The following SYNPR variants were observed in gnomAD, a reference collection of about 807,000 sequenced individuals.
SYNPR encodes synaptoporin.
SYNPR carries 23 observed loss-of-function variants against 32.9 expected under a neutral mutation model. The ratio of observed to expected loss-of-function variants is 0.70; its 90% CI spans 0.50 to 0.99. SYNPR has a LOEUF of 0.99. SYNPR is among the 50% of genes least tolerant of loss of function. SYNPR has a pLI of 0.00. For synonymous variants in SYNPR, 146 were observed against 135.9 expected (o/e 1.07, Z -0.52); for missense variants, 318 against 349.3 (o/e 0.91, Z 0.71).
At chr3:63,372,112 C>T (rs1226010752) in intron 2 of SYNPR, among the ~76,000 whole-genome samples, 1 of 152,078 alleles carries the variant, frequency 6.6e-6, no homozygotes, top group Non-Finnish European at 1.5e-5. Context: ...CTTAGAGTGA[C>T]CAACAGCCCC....
At chr3:63,400,489 T>A (rs1160263852) in intron 2 of SYNPR, among the ~76,000 whole-genome samples, 1 of 152,242 alleles carries the variant, frequency 6.6e-6, no homozygotes, top group Non-Finnish European at 1.5e-5. Flanking sequence ...TATTTCACTG[T>A]CTATTGGCTT....
intron 2 of SYNPR, among the ~76,000 whole-genome samples, chr3:63,446,696 C>T (rs750899496): frequency 1.4e-4 from 21 of 152,082 alleles, no homozygotes; most frequent in Non-Finnish European, 3.1e-4. Flanking sequence ...GAACCTAGCT[C>T]ACAACACCTT....
At chr3:63,290,455 G>A (rs2086727749) in intron 2 of SYNPR, among the ~76,000 whole-genome samples, 2 of 152,206 alleles carry the variant, frequency 1.3e-5, no homozygotes, top group African/African-American at 4.8e-5. Flanking sequence ...AATAGACAAA[G>A]CAAAGCTTAA....
chr3:63,513,951 C>T (rs1701744471), intron 3 of SYNPR, among the ~76,000 whole-genome samples: 1 of 152,156 alleles, frequency 6.6e-6, no homozygotes, highest in East Asian at 1.9e-4. Context: ...TGGAAGTGCC[C>T]ATAATTTGCC....
chr3:63,402,522 G>A (rs867043817), intron 2 of SYNPR, among the ~76,000 whole-genome samples: 4 of 152,156 alleles, frequency 2.6e-5, no homozygotes, highest in Admixed American at 6.6e-5. Flanking sequence ...CTATTTCATC[G>A]GGATTGACCC....
At chr3:63,595,843 AGTTT>A (rs1298075322) in intron 4 of SYNPR, among the ~76,000 whole-genome samples, 1 of 74,838 alleles carries the variant, frequency 1.3e-5, no homozygotes, top group African/African-American at 5.4e-5. Flanking sequence ...TTATATATAT[AGTTT>A]TATATATATA....
chr3:63,317,430 A>G (rs1349708873), intron 2 of SYNPR, among the ~76,000 whole-genome samples: 1 of 151,822 alleles, frequency 6.6e-6, no homozygotes, highest in African/African-American at 2.4e-5. Flanking sequence ...TTAGGTGCAT[A>G]TATGTTTAAG....
intron 2 of SYNPR, among the ~76,000 whole-genome samples, chr3:63,345,634 C>A (rs1411745897): frequency 6.6e-6 from 1 of 152,142 alleles, no homozygotes; most frequent in Non-Finnish European, 1.5e-5. Context: ...GCTGGTCTCG[C>A]ATTGGCTGAC....
At chr3:63,562,555 G>T (rs6445359) in intron 4 of SYNPR, among the ~76,000 whole-genome samples, 303 of 152,260 alleles carry the variant, frequency 2.0e-3, no homozygotes, top group African/African-American at 6.7e-3. Flanking sequence ...GGCAAACAGT[G>T]GTATCACGGC....
intron 3 of SYNPR, among the ~76,000 whole-genome samples, chr3:63,504,236 C>T (rs780041861): frequency 6.6e-6 from 1 of 151,998 alleles, no homozygotes; most frequent in Non-Finnish European, 1.5e-5. Flanking sequence ...AAATTAGGAG[C>T]CCTGGTAAGC....
intron 2 of SYNPR, among the ~76,000 whole-genome samples, chr3:63,258,163 A>G (rs552415718): frequency 8.7e-4 from 132 of 152,160 alleles, no homozygotes; most frequent in African/African-American, 3.0e-3. Flanking sequence ...ACAGATCAAC[A>G]AGACAGAAAG....
intron 2 of SYNPR, among the ~76,000 whole-genome samples, chr3:63,374,110 G>A (rs2087853340): frequency 6.6e-6 from 1 of 152,152 alleles, no homozygotes; most frequent in South Asian, 2.1e-4. Flanking sequence ...GCCAATACCA[G>A]CCACTACAAT....
chr3:63,551,788 T>C (rs1702505055), intron 3 of SYNPR, among the ~76,000 whole-genome samples: 1 of 152,154 alleles, frequency 6.6e-6, no homozygotes, highest in Admixed American at 6.5e-5. Flanking sequence ...AAACCCATCC[T>C]TTCTCTCTAA....
intron 2 of SYNPR, among the ~76,000 whole-genome samples, chr3:63,371,179 C>A (rs1411247262): frequency 6.6e-6 from 1 of 152,046 alleles, no homozygotes; most frequent in African/African-American, 2.4e-5. Context: ...CCCAGGAACC[C>A]ACACTTCTAC....
intron 2 of SYNPR, among the ~76,000 whole-genome samples, chr3:63,334,594 A>G (rs950880412): frequency 6.6e-6 from 1 of 151,584 alleles, no homozygotes; most frequent in Non-Finnish European, 1.5e-5. Context: ...GTGATTAGAG[A>G]CCACTTCACT....
At chr3:63,270,896 CT>C (rs1560174525) in intron 3 of SYNPR, among the ~76,000 whole-genome samples, 1 of 52,494 alleles carries the variant, frequency 1.9e-5, no homozygotes, top group African/African-American at 6.7e-5. Flanking sequence ...TCCTTCCTTC[CT>C]TTTCTTTCCT....
intron 3 of SYNPR, among the ~76,000 whole-genome samples, chr3:63,514,862 A>G (rs577288524): frequency 6.6e-6 from 1 of 152,158 alleles, no homozygotes; most frequent in South Asian, 2.1e-4. Context: ...ACTTTGGATC[A>G]TGGGGCAGGA....
intron 2 of SYNPR, among the ~76,000 whole-genome samples, chr3:63,367,082 G>C (rs1192836934): frequency 6.6e-6 from 1 of 152,136 alleles, no homozygotes; most frequent in Non-Finnish European, 1.5e-5. Flanking sequence ...GGAAATTCTA[G>C]GCCAGATGTG....
At chr3:63,292,428 T>C (rs1022061415) in intron 2 of SYNPR, among the ~76,000 whole-genome samples, 2 of 152,184 alleles carry the variant, frequency 1.3e-5, no homozygotes, top group Admixed American at 6.5e-5. Context: ...AGTCATCCTG[T>C]AGTGCTACCT....
Sources: gnomAD v4.1 joint callset for allele counts (sites outside exome capture counted in the v4.1 genomes callset) on GRCh38, gnomAD v4.1.1 for gene constraint, MANE v1.5 for transcripts, NCBI Gene and HGNC (gene_info 2026-07-23, HGNC 2026-07-21) for gene names.